Variants in TBC1D14 observed in about 807,000 individuals in gnomAD.
TBC1D14 encodes the protein TBC1 domain family member 14, also known as TBC1 domain family, member 14.
TBC1D14 carries 26 observed loss-of-function variants against 79.0 expected under a neutral mutation model. The ratio of observed to expected loss-of-function variants is 0.33; its 90% CI spans 0.24 to 0.46. The LOEUF (loss-of-function observed/expected upper bound fraction) is 0.46, where lower values mean the gene tolerates loss of function less well. TBC1D14 is among the 20% of genes least tolerant of loss of function. The pLI is 1.00. For synonymous variants in TBC1D14, 394 were observed against 349.9 expected, an observed-to-expected ratio of 1.13 and a Z score of -1.40; for missense variants, 769 against 887.6, an observed-to-expected ratio of 0.87 and a Z score of 1.70.
chr4:7,000,757 G>T (rs1719587338), intron 6 of TBC1D14, among the ~76,000 whole-genome samples: 1 of 152,188 alleles, frequency 6.6e-6, no homozygotes, highest in African/African-American at 2.4e-5. Context: ...CTGCAGTGCC[G>T]CCTGGCACTC....
chr4:6,997,133 G>C (rs890545759), intron 5 of TBC1D14: 1 of 152,266 alleles, frequency 6.6e-6, no homozygotes, highest in African/African-American at 2.4e-5. Flanking sequence ...CGTCCCTCCC[G>C]AAGCTGTGTG....
intron 3 of TBC1D14, among the ~76,000 whole-genome samples, chr4:6,993,616 C>T (rs1718725212): frequency 6.6e-6 from 1 of 152,226 alleles, no homozygotes; most frequent in African/African-American, 2.4e-5. Context: ...GGGCCCTCCT[C>T]AAAGGGGCTG....
chr4:6,983,292 T>A (rs1005085729), intron 3 of TBC1D14, among the ~76,000 whole-genome samples: 31 of 152,164 alleles, frequency 2.0e-4, no homozygotes, highest in African/African-American at 6.5e-4. Context: ...ATATATATAT[T>A]TTTAATGTGT....
At chr4:6,939,978 G>C (rs1032500020) in intron 2 of TBC1D14, among the ~76,000 whole-genome samples, 2 of 152,222 alleles carry the variant, frequency 1.3e-5, no homozygotes, top group African/African-American at 2.4e-5. Context: ...TTGAGAAATG[G>C]GCACCAGCGG....
intron 11 of TBC1D14, among the ~76,000 whole-genome samples, chr4:7,013,835 C>T (rs1195679867): frequency 6.6e-6 from 1 of 152,096 alleles, no homozygotes; most frequent in African/African-American, 2.4e-5. Flanking sequence ...GCTCCGCCTC[C>T]CGGGTTCACG....
At chr4:6,959,028 C>T (rs1310431626) in intron 2 of TBC1D14, among the ~76,000 whole-genome samples, 6 of 152,066 alleles carry the variant, frequency 3.9e-5, no homozygotes, top group Admixed American at 2.6e-4. Flanking sequence ...GGACTACAGG[C>T]GCCTGCCACT....
rs537730350 is a variant in TBC1D14 at position 6,944,666 on chromosome 4, G to A, written c.722+20555G>A. Among the ~76,000 whole-genome samples, 16 of 152,354 alleles carry A rather than the reference G, an allele frequency of 1.1e-4. No individual in the cohort carries two copies. The South Asian group carries it at 3.1e-3, about 30-fold the overall frequency. The stretch of plus-strand genomic sequence containing the variant: ...ACCATGGCTCTGGCCTCTGGTTCCT[G>A]TAAATTGAGGCGTAGGAAAATTAGT... On this transcript the variant is annotated intron_variant, in intron 2 of 13. Coordinates refer to ENST00000409757, the MANE Select transcript of TBC1D14 (RefSeq NM_020773.3).
intron 2 of TBC1D14, among the ~76,000 whole-genome samples, chr4:6,937,647 TTTC>T (rs1712469662): frequency 1.3e-5 from 2 of 152,220 alleles, no homozygotes; most frequent in African/African-American, 4.8e-5. Context: ...GCTGCGCGTC[TTTC>T]TCCAGCCATG....
intron 1 of TBC1D14, among the ~76,000 whole-genome samples, chr4:6,917,393 G>T (rs888927727): frequency 6.6e-6 from 1 of 152,210 alleles, no homozygotes; most frequent in African/African-American, 2.4e-5. Context: ...TTCAGGTGGG[G>T]TGTAGCCAAA....
At position 6,923,530 on chromosome 4, in the gene TBC1D14, G is replaced by A. The variant is rs750890802; in HGVS notation, c.141G>A (p.Gly47=). The change falls in exon 2 of 14, where the codon GGG becomes GGA. Residue 47 remains glycine (G), a synonymous_variant. Transcript: ENST00000409757. ...GACTCCTCTCCGCGCCTGAGTACGG[G>A]CCCAAGCTGAAACTCAGGGCTTTAG... ...APRLLSAPEY[G]PKLKLRALED... is the part of the protein sequence containing the mutation. The A allele has an allele frequency of 2.5e-6, 4 of 1,614,136 alleles. No homozygotes were observed. In the East Asian group the frequency reaches 8.9e-5, roughly 36 times the overall value.
chr4:6,973,943 C>T (rs1303893713), intron 3 of TBC1D14, among the ~76,000 whole-genome samples: 1 of 152,170 alleles, frequency 6.6e-6, no homozygotes, highest in East Asian at 1.9e-4. Flanking sequence ...CCTGCCTCAG[C>T]CTCCTGAGTA....
intron 1 of TBC1D14, among the ~76,000 whole-genome samples, chr4:6,917,577 G>A (rs1308707230): frequency 6.6e-6 from 1 of 152,132 alleles, no homozygotes; most frequent in African/African-American, 2.4e-5. Context: ...GTGCAGTAGG[G>A]CTGAGTGGGC....
intron 3 of TBC1D14, among the ~76,000 whole-genome samples, chr4:6,991,631 C>T (rs1022149105): frequency 1.3e-5 from 2 of 152,168 alleles, no homozygotes; most frequent in African/African-American, 4.8e-5. Flanking sequence ...TGAGGTACAG[C>T]GTGTCCTTGT....
chr4:7,027,941 G>A (rs899469909), intron 13 of TBC1D14, among the ~76,000 whole-genome samples: 3 of 112,604 alleles, frequency 2.7e-5, no homozygotes, highest in East Asian at 2.7e-4. Context: ...TTACCCACAC[G>A]CACAGATCAC....
chr4:6,942,035 G>T (rs1488323417), intron 2 of TBC1D14, among the ~76,000 whole-genome samples: 2 of 152,218 alleles, frequency 1.3e-5, no homozygotes, highest in African/African-American at 4.8e-5. Flanking sequence ...CAGTTCTTCA[G>T]CCATCAGCCA....
chr4:6,958,626 G>A (rs1162805320), intron 2 of TBC1D14, among the ~76,000 whole-genome samples: 1 of 152,046 alleles, frequency 6.6e-6, no homozygotes, highest in African/African-American at 2.4e-5. Context: ...GTAGACATGA[G>A]GTCTTACTAT....
chr4:6,939,329 C>T (rs547877106), intron 2 of TBC1D14, among the ~76,000 whole-genome samples: 1 of 151,126 alleles, frequency 6.6e-6, no homozygotes, highest in Non-Finnish European at 1.5e-5. Context: ...AGGAGCCCCC[C>T]CCAGGAAGAA....
At chr4:7,026,951 G>C (rs1270551377) in intron 13 of TBC1D14, among the ~76,000 whole-genome samples, 1 of 152,120 alleles carries the variant, frequency 6.6e-6, no homozygotes. Context: ...AGTGGCTCAC[G>C]CCTGTAATCT....
chr4:6,987,106 G>C, intron 3 of TBC1D14: 4 of 763,772 alleles, frequency 5.2e-6, no homozygotes, highest in Non-Finnish European at 6.3e-6. Flanking sequence ...GCCCCTCGCC[G>C]CTCATCAGCC....
Sources: allele counts gnomAD v4.1 joint callset (sites outside exome capture counted in the v4.1 genomes callset), GRCh38; gene constraint gnomAD v4.1.1; transcripts MANE v1.5; gene names NCBI Gene and HGNC (gene_info 2026-07-23, HGNC 2026-07-21).